PTP4A1: variants seen among roughly 807,000 people sequenced by gnomAD.
PTP4A1 encodes the protein protein tyrosine phosphatase type IVA 1.
In PTP4A1, 9 loss-of-function variants were observed where a neutral mutation model predicts 20.5. That is an observed-to-expected ratio of 0.44 (90% confidence interval 0.26 to 0.77). The LOEUF (loss-of-function observed/expected upper bound fraction) is 0.77, where lower values mean the gene tolerates loss of function less well. Ranked by LOEUF, PTP4A1 falls within the 30% of genes least tolerant of loss-of-function variation. The pLI is 0.19. For synonymous variants in PTP4A1, 78 were observed against 67.4 expected (o/e 1.16, Z -0.77); for missense variants, 137 against 218.8 (o/e 0.63, Z 2.36).
At chr6:63,539,449 G>T (rs1197101676) in intron 2 of PTP4A1, among the ~76,000 whole-genome samples, 1 of 152,046 alleles carries the variant, frequency 6.6e-6, no homozygotes, top group African/African-American at 2.4e-5. Flanking sequence ...TTTATGGTTT[G>T]CAAATCAACA....
chr6:63,520,630 C>CAAATAAATAAATAAAT (rs201294226), upstream of PTP4A1, among the ~76,000 whole-genome samples: 99 of 139,078 alleles, frequency 7.1e-4, no homozygotes, highest in African/African-American at 1.8e-3. Context: ...GACTCTGTCT[C>CAAATAAATAAATAAAT]AAATAAATAA....
intron 1 of PTP4A1, chr6:63,527,771 G>A (rs1294921095): frequency 5.3e-5 from 8 of 152,142 alleles, no homozygotes; most frequent in Admixed American, 1.3e-4. Context: ...AGACAGTGAC[G>A]ATAACAGTGA....
intron 3 of PTP4A1, among the ~76,000 whole-genome samples, chr6:63,562,735 C>A (rs1432836017): frequency 6.6e-6 from 1 of 152,148 alleles, no homozygotes; most frequent in Non-Finnish European, 1.5e-5. Flanking sequence ...TCTCTTAATA[C>A]CTAAATATAC....
upstream of PTP4A1, among the ~76,000 whole-genome samples, chr6:63,517,249 A>G (rs1447266422): frequency 6.6e-6 from 1 of 152,162 alleles, no homozygotes; most frequent in East Asian, 1.9e-4. Context: ...TTAAAGAACT[A>G]TAAGGGTGCC....
intron 1 of PTP4A1, among the ~76,000 whole-genome samples, chr6:63,523,772 T>A (rs1387033245): frequency 6.6e-6 from 1 of 152,068 alleles, no homozygotes; most frequent in East Asian, 1.9e-4. Flanking sequence ...TGTTAGTGTA[T>A]TTCATGTGTG....
chr6:63,518,096 G>A (rs1581903383), upstream of PTP4A1, among the ~76,000 whole-genome samples: 1 of 148,090 alleles, frequency 6.8e-6, no homozygotes, highest in African/African-American at 2.5e-5. Flanking sequence ...AGGTTGCTGT[G>A]AGCCCAGATA....
Position 63,582,130 on chromosome 6 carries a change from A to G in PTP4A1, c.*1956A>G, listed in dbSNP as rs1001278203. On this transcript the variant is annotated 3_prime_UTR_variant, in exon 6 of 6. Coordinates refer to ENST00000626021, the MANE Select transcript of PTP4A1 (RefSeq NM_003463.5). The stretch of plus-strand genomic sequence containing the variant: ...GGCCTCTGGAGGCCCTTGGTTATTT[A>G]AATCTTGGATTATTTGTGATAGTAA... 41 of 152,124 alleles carry G rather than the reference A, an allele frequency of 2.7e-4. No homozygotes were observed. The highest frequency in any genetic ancestry group is 9.9e-4 in the African/African-American group (41 of 41,444). The allele number at this position is 152,124 out of a possible 1,614,324, so 9.4% of individuals were successfully genotyped here. A position where few individuals can be genotyped will look rare whatever the true frequency, so the allele number is the denominator to read the frequency against.
intron 3 of PTP4A1, among the ~76,000 whole-genome samples, chr6:63,550,878 G>A (rs1188339821): frequency 8.5e-5 from 13 of 152,128 alleles, no homozygotes; most frequent in Middle Eastern, 6.8e-3. Context: ...CGCCTGCCTC[G>A]GCCTCCCAAA....
chr6:63,569,783 G>GT (rs1777342839), upstream of PTP4A1, among the ~76,000 whole-genome samples: 1 of 152,122 alleles, frequency 6.6e-6, no homozygotes, highest in South Asian at 2.1e-4. Flanking sequence ...TTTTAGAGGT[G>GT]TTTTCTCCCT....
At chr6:63,521,826 G>C (rs951848924) in exon 1 of PTP4A1, 5 of 152,104 alleles carry the variant, frequency 3.3e-5, no homozygotes, top group Admixed American at 3.3e-4. Flanking sequence ...CTCTTAAACA[G>C]GTAATTCTAA....
In PTP4A1 at chr6:63,572,687, A is replaced by C; in HGVS notation, c.-478A>C. Reference sequence around the variant, plus strand: ...CCGCCTCGGGACCGGCTGTATGATTAGGCCACAATCTTCAATGAGTAAACA... The same window carrying C: ...CCGCCTCGGGACCGGCTGTATGATTCGGCCACAATCTTCAATGAGTAAACA... On this transcript the variant is annotated 5_prime_UTR_variant, in exon 1 of 6. It removes the in-frame stop codon of an upstream open reading frame in the 5' UTR. Coordinates refer to ENST00000626021, the MANE Select transcript of PTP4A1 (RefSeq NM_003463.5). The C allele has an allele frequency of 2.5e-6, 1 of 404,978 alleles. No homozygotes were observed. Among genetic ancestry groups the C allele is most frequent in the East Asian group, 3.5e-5 (1 of 28,212 alleles). The allele number at this position is 404,978 out of a possible 1,614,324, so 25.1% of individuals were successfully genotyped here. A position where few individuals can be genotyped will look rare whatever the true frequency, so the allele number is the denominator to read the frequency against.
chr6:63,572,548 C>A lies in PTP4A1; in HGVS notation c.-617C>A. On this transcript the variant is annotated 5_prime_UTR_variant, in exon 1 of 6. Transcript: ENST00000626021. ...GCTACGCGCTCTGCTCCGAGCCGCT[C>A]ACTGCATGGTAGAGTCTGGTGCCCC... 2.5e-6 allele frequency: 1 copy of A among 397,994 alleles called. No homozygotes were observed. The allele number at this position is 397,994 out of a possible 1,614,324, so 24.7% of individuals were successfully genotyped here.
intron 3 of PTP4A1, among the ~76,000 whole-genome samples, chr6:63,557,698 G>T (rs888268322): frequency 1.3e-5 from 2 of 152,114 alleles, no homozygotes; most frequent in African/African-American, 4.8e-5. Context: ...AATCACAGTT[G>T]GTTTCAAACA....
At chr6:63,530,118 C>A (rs909875760) in intron 2 of PTP4A1, among the ~76,000 whole-genome samples, 1 of 152,002 alleles carries the variant, frequency 6.6e-6, no homozygotes, top group Non-Finnish European at 1.5e-5. Context: ...GAAAATCAAT[C>A]CAAAGAAACT....
intron 2 of PTP4A1, among the ~76,000 whole-genome samples, chr6:63,544,812 T>C (rs542674883): frequency 2.6e-5 from 4 of 152,340 alleles, no homozygotes; most frequent in Admixed American, 1.3e-4. Flanking sequence ...AAATGCTTGA[T>C]GTTAATTTCT....
At chr6:63,519,053 G>T (rs1233183547), upstream of PTP4A1, among the ~76,000 whole-genome samples, 1 of 152,160 alleles carries the variant, frequency 6.6e-6, no homozygotes, top group African/African-American at 2.4e-5. Flanking sequence ...AGTGGCTCAC[G>T]CCTGTAATCC....
At chr6:63,530,079 C>G (rs1775388841) in intron 2 of PTP4A1, among the ~76,000 whole-genome samples, 1 of 151,954 alleles carries the variant, frequency 6.6e-6, no homozygotes, top group Non-Finnish European at 1.5e-5. Flanking sequence ...AGGATAATAA[C>G]AGTATAGATT....
rs1286961853 is a variant in PTP4A1, at chr6:63,583,451, T to C, written c.*3277T>C. The C allele has an allele frequency of 6.6e-6, 1 of 152,202 alleles. No homozygotes were observed. The highest frequency in any genetic ancestry group is 2.4e-5 in the African/African-American group (1 of 41,456). The allele number at this position is 152,202 out of a possible 1,614,324, so 9.4% of individuals were successfully genotyped here. On this transcript the variant is annotated 3_prime_UTR_variant, in exon 6 of 6. Transcript: ENST00000626021. ...CCTAAGTGGAATCTTGGAAGGAAAGTAAGGGAAAAACTTGTATTTGCCTTC... is the reference window on the plus strand; with the variant it reads ...CCTAAGTGGAATCTTGGAAGGAAAGCAAGGGAAAAACTTGTATTTGCCTTC...
chr6:63,570,646 T>C (rs937725107), upstream of PTP4A1, among the ~76,000 whole-genome samples: 2 of 152,238 alleles, frequency 1.3e-5, no homozygotes, highest in Admixed American at 6.5e-5. Flanking sequence ...TTATATCTTG[T>C]CCCACCAAAT....
Sources: gnomAD v4.1 joint callset for allele counts (sites outside exome capture counted in the v4.1 genomes callset) on GRCh38, gnomAD v4.1.1 for gene constraint, MANE v1.5 for transcripts, NCBI Gene and HGNC (gene_info 2026-07-23, HGNC 2026-07-21) for gene names.